Variants in ANO3 observed in about 807,000 individuals in gnomAD.
The protein encoded by ANO3 is anoctamin-3.
ANO3 carries 99 observed loss-of-function variants against 144.8 expected under a neutral mutation model. That is an observed-to-expected ratio of 0.68 (90% confidence interval 0.58 to 0.81). The LOEUF is 0.81. ANO3 is among the 30% of genes least tolerant of loss of function. ANO3 has a pLI of 0.00. For missense variants in ANO3, 905 were observed against 1,202.2 expected (o/e 0.75, Z 3.66); for synonymous variants, 414 against 392.6 (o/e 1.05, Z -0.64).
At chr11:26,578,026 T>C (rs537302106) in intron 14 of ANO3, among the ~76,000 whole-genome samples, 1 of 152,276 alleles carries the variant, frequency 6.6e-6, no homozygotes, top group East Asian at 1.9e-4. Context: ...ATCAAAAGTA[T>C]GTCGTGGGAG....
At chr11:26,509,682 T>G (rs1861580866) in intron 5 of ANO3, among the ~76,000 whole-genome samples, 1 of 152,178 alleles carries the variant, frequency 6.6e-6, no homozygotes, top group African/African-American at 2.4e-5. Context: ...AAACTGTTTT[T>G]GATGAAATAT....
chr11:26,337,070 C>T (rs1259972884), intron 1 of ANO3, among the ~76,000 whole-genome samples: 1 of 152,094 alleles, frequency 6.6e-6, no homozygotes, highest in Non-Finnish European at 1.5e-5. Flanking sequence ...CAGAAGGTTT[C>T]CTAGATATTT....
At chr11:26,266,483 G>T (rs1440111435) in intron 1 of ANO3, among the ~76,000 whole-genome samples, 1 of 149,000 alleles carries the variant, frequency 6.7e-6, no homozygotes, top group Non-Finnish European at 1.5e-5. Context: ...TCCCAGGCTG[G>T]AGTGCAGTGG....
chr11:26,288,112 T>A (rs1853850741), intron 1 of ANO3: 1 of 152,850 alleles, frequency 6.5e-6, no homozygotes, highest in Non-Finnish European at 1.5e-5. Context: ...CACTCCTTCC[T>A]CTGGAAAATC....
At chr11:26,536,767 T>C (rs1849520264) in intron 9 of ANO3, among the ~76,000 whole-genome samples, 1 of 152,130 alleles carries the variant, frequency 6.6e-6, no homozygotes, top group African/African-American at 2.4e-5. Context: ...GCTATAAAAA[T>C]TAAATGATTT....
At chr11:26,299,621 G>A (rs749464572) in intron 1 of ANO3, among the ~76,000 whole-genome samples, 17 of 152,070 alleles carry the variant, frequency 1.1e-4, no homozygotes, top group Non-Finnish European at 1.5e-4. Context: ...GTGGGGAGGC[G>A]GAGACTGGCA....
At chr11:26,341,390 G>C (rs1410594281) in intron 1 of ANO3, among the ~76,000 whole-genome samples, 1 of 152,158 alleles carries the variant, frequency 6.6e-6, no homozygotes, top group East Asian at 1.9e-4. Context: ...TGAATCTTAA[G>C]ATTGTTACAC....
At chr11:26,595,460 G>GTTGTTTT (rs1301892343) in intron 14 of ANO3, among the ~76,000 whole-genome samples, 1 of 101,388 alleles carries the variant, frequency 9.9e-6, no homozygotes, top group African/African-American at 4.2e-5. Context: ...AGATAGAGTT[G>GTTGTTTT]TTTTTTTTTT....
intron 17 of ANO3, among the ~76,000 whole-genome samples, chr11:26,603,474 AG>A (rs1851852867): frequency 6.6e-6 from 1 of 152,084 alleles, no homozygotes. Context: ...TTATCATTGT[AG>A]TATTATTTAG....
At chr11:26,553,703 C>T (rs753624267) in intron 13 of ANO3, among the ~76,000 whole-genome samples, 7 of 152,008 alleles carry the variant, frequency 4.6e-5, no homozygotes, top group African/African-American at 9.7e-5. Flanking sequence ...TCTATCGGTA[C>T]GGAGAAAATG....
chr11:26,291,734 G>A (rs1323097165), intron 1 of ANO3, among the ~76,000 whole-genome samples: 2 of 152,112 alleles, frequency 1.3e-5, no homozygotes, highest in Non-Finnish European at 2.9e-5. Flanking sequence ...TTGAATATTG[G>A]CCCCTACTCT....
intron 1 of ANO3, among the ~76,000 whole-genome samples, chr11:26,235,930 T>C (rs1380135319): frequency 3.9e-5 from 6 of 152,148 alleles, no homozygotes; most frequent in Non-Finnish European, 7.4e-5. Flanking sequence ...CTCTTGAAAG[T>C]AGCCAATCTC....
At chr11:26,647,605 C>A in intron 23 of ANO3, 104 bp from the exon 24 acceptor site, 4 of 1,050,872 alleles carry the variant, frequency 3.8e-6, no homozygotes, top group African/African-American at 1.6e-5. Context: ...GTGGACAGAG[C>A]TGTGGTTCCA....
intron 18 of ANO3, among the ~76,000 whole-genome samples, chr11:26,626,312 A>AG (rs1236674859): frequency 1.3e-5 from 2 of 152,232 alleles, no homozygotes; most frequent in Non-Finnish European, 2.9e-5. Context: ...GATTTCTTAG[A>AG]GGAAAACTCC....
At chr11:26,541,906 TA>T (rs1443158325) in intron 10 of ANO3, 40 bp from the exon 11 acceptor site, 2 of 1,575,914 alleles carry the variant, frequency 1.3e-6, no homozygotes, top group Non-Finnish European at 1.7e-6. Flanking sequence ...AAAATTTCAC[TA>T]AAAAATAGAA....
At chr11:26,399,075 C>G (rs1857085581) in intron 1 of ANO3, among the ~76,000 whole-genome samples, 2 of 151,896 alleles carry the variant, frequency 1.3e-5, no homozygotes, top group Admixed American at 6.6e-5. Context: ...CTCCTATTTA[C>G]CACAGATACT....
chr11:26,491,215 T>G (rs1002876282), intron 4 of ANO3, among the ~76,000 whole-genome samples: 5 of 152,174 alleles, frequency 3.3e-5, no homozygotes, highest in African/African-American at 9.7e-5. Flanking sequence ...TGGGGCTGTT[T>G]GTGAGGCTGA....
intron 1 of ANO3, among the ~76,000 whole-genome samples, chr11:26,334,748 G>A (rs987422396): frequency 1.3e-5 from 2 of 152,120 alleles, no homozygotes; most frequent in Non-Finnish European, 2.9e-5. Flanking sequence ...TTACTTTTAC[G>A]AATTAATTTA....
At chr11:26,418,941 A>G (rs561230729) in intron 1 of ANO3, among the ~76,000 whole-genome samples, 3 of 152,260 alleles carry the variant, frequency 2.0e-5, no homozygotes, top group African/African-American at 4.8e-5. Flanking sequence ...CCATGGGGAC[A>G]CAAAATTTTC....
Sources: gnomAD v4.1 joint callset for allele counts (sites outside exome capture counted in the v4.1 genomes callset) on GRCh38, gnomAD v4.1.1 for gene constraint, MANE v1.5 for transcripts, NCBI Gene and HGNC (gene_info 2026-07-23, HGNC 2026-07-21) for gene names.